The following THSD4 variants were observed in gnomAD, a reference collection of about 807,000 sequenced individuals.
THSD4 encodes thrombospondin type-1 domain-containing protein 4.
A neutral mutation model predicts 119.0 loss-of-function variants in THSD4; 69 were observed. The observed-to-expected ratio is 0.58, with a 90% CI of 0.48 to 0.71. The LOEUF is 0.71. Among genes scored for constraint, THSD4 ranks in the 30% least tolerant of loss-of-function variants. The pLI is 0.00. For synonymous variants in THSD4, 524 were observed against 540.4 expected, an observed-to-expected ratio of 0.97 and a Z score of 0.42; for missense variants, 1,393 against 1,391.1, an observed-to-expected ratio of 1.00 and a Z score of -0.02.
intron 7 of THSD4, among the ~76,000 whole-genome samples, chr15:71,601,002 C>T (rs187821528): frequency 1.3e-5 from 2 of 152,298 alleles, no homozygotes; most frequent in East Asian, 3.9e-4. Flanking sequence ...CCGTCTTGGC[C>T]TCCTGAAGTG....
chr15:71,270,178 T>TCA (rs1438673251), intron 6 of THSD4, among the ~76,000 whole-genome samples: 2 of 152,180 alleles, frequency 1.3e-5, no homozygotes, highest in Non-Finnish European at 2.9e-5. Context: ...GCTGGAGGCA[T>TCA]CACACTACCT....
chr15:71,655,958 A>G (rs1365519974), intron 7 of THSD4, among the ~76,000 whole-genome samples: 2 of 152,186 alleles, frequency 1.3e-5, no homozygotes, highest in Non-Finnish European at 2.9e-5. Flanking sequence ...GCATCACACA[A>G]CAAGCCAGGG....
intron 1 of THSD4, among the ~76,000 whole-genome samples, chr15:71,108,299 G>A (rs1050797850): frequency 3.9e-5 from 6 of 152,214 alleles, no homozygotes; most frequent in Non-Finnish European, 7.3e-5. Context: ...TCTGGAAAGC[G>A]GCATGAATAG....
At chr15:71,189,255 T>C (rs1409863763) in intron 3 of THSD4, among the ~76,000 whole-genome samples, 6 of 152,196 alleles carry the variant, frequency 3.9e-5, no homozygotes, top group African/African-American at 9.7e-5. Flanking sequence ...CAGGTCTCTA[T>C]GAATAGTTTG....
At chr15:71,286,100 G>T (rs1183164386) in intron 6 of THSD4, among the ~76,000 whole-genome samples, 1 of 152,000 alleles carries the variant, frequency 6.6e-6, no homozygotes, top group Non-Finnish European at 1.5e-5. Context: ...AGTTGGGTTT[G>T]GGGTCATGCT....
At chr15:71,114,078 A>G (rs1333895709), upstream of THSD4, among the ~76,000 whole-genome samples, 2 of 152,188 alleles carry the variant, frequency 1.3e-5, no homozygotes, top group East Asian at 3.9e-4. Context: ...TGTTTGATCA[A>G]GTGTGGAATT....
At position 71,148,800 on chromosome 15, in the gene THSD4, A is replaced by G. The variant is rs138367521; in HGVS notation, c.30-6063A>G. ...AGCACAGTGGTTAAGAGTCCAGGCCAAGGGTCTGACCGCCTGTGTTAGAAA... is the reference window on the plus strand; with the variant it reads ...AGCACAGTGGTTAAGAGTCCAGGCCGAGGGTCTGACCGCCTGTGTTAGAAA... On this transcript the variant is annotated intron_variant, in intron 2 of 17. Transcript: ENST00000261862. Among the ~76,000 whole-genome samples the G allele has an allele frequency of 7.4e-4, 112 of 152,330 alleles. 2 individuals carry two copies. Among genetic ancestry groups the G allele is most frequent in the East Asian group, 6.2e-3 (32 of 5,180 alleles).
At position 71,150,660 on chromosome 15, in the gene THSD4, C is replaced by G. The variant is rs938414165; in HGVS notation, c.30-4203C>G. Among the ~76,000 whole-genome samples, 4 of 152,308 alleles carry G rather than the reference C, an allele frequency of 2.6e-5. No individual in the cohort carries two copies. In the East Asian group the frequency reaches 7.7e-4, roughly 29 times the overall value. The stretch of plus-strand genomic sequence containing the variant: ...TGTAATTTGTGTTGCACTTTTGTAA[C>G]AAGAGGCACCAGCAAACATTTTGCT... On this transcript the variant is annotated intron_variant, in intron 2 of 17. Coordinates refer to ENST00000261862, the MANE Select transcript of THSD4 (RefSeq NM_024817.3).
chr15:71,378,154 A>G (rs767881122), intron 6 of THSD4, among the ~76,000 whole-genome samples: 4 of 152,114 alleles, frequency 2.6e-5, no homozygotes, highest in Non-Finnish European at 4.4e-5. Flanking sequence ...TATTATAACT[A>G]TTGATTCTAA....
intron 8 of THSD4, among the ~76,000 whole-genome samples, chr15:71,667,375 G>C (rs1339531562): frequency 6.6e-6 from 1 of 152,098 alleles, no homozygotes; most frequent in Non-Finnish European, 1.5e-5. Context: ...AGTCAGTTCA[G>C]TTTACTAATG....
intron 8 of THSD4, among the ~76,000 whole-genome samples, chr15:71,674,020 G>A (rs768353449): frequency 3.1e-4 from 47 of 152,200 alleles, no homozygotes; most frequent in Non-Finnish European, 5.9e-4. Flanking sequence ...CGGAGTAGTT[G>A]CCTCTTCCCA....
chr15:71,737,052 A>G (rs544072199), intron 10 of THSD4, among the ~76,000 whole-genome samples: 12 of 152,368 alleles, frequency 7.9e-5, no homozygotes, highest in African/African-American at 2.9e-4. Flanking sequence ...CAAAACTCAC[A>G]TAGTATTCCA....
At chr15:71,317,297 C>T (rs1469438762) in intron 6 of THSD4, among the ~76,000 whole-genome samples, 1 of 152,166 alleles carries the variant, frequency 6.6e-6, no homozygotes, top group Non-Finnish European at 1.5e-5. Context: ...TTAGTCCATT[C>T]TCACCCTGCT....
At chr15:71,584,072 C>T in intron 7 of THSD4, among the ~76,000 whole-genome samples, 1 of 151,858 alleles carries the variant, frequency 6.6e-6, no homozygotes, top group East Asian at 1.9e-4. Flanking sequence ...TTGGGTGCTC[C>T]AATGTTGGGT....
intron 6 of THSD4, among the ~76,000 whole-genome samples, chr15:71,289,762 A>G (rs1205218558): frequency 6.6e-6 from 1 of 152,150 alleles, no homozygotes; most frequent in Non-Finnish European, 1.5e-5. Flanking sequence ...CTCAACCCTC[A>G]TCTAGGGCTT....
intron 6 of THSD4, among the ~76,000 whole-genome samples, chr15:71,357,918 CT>C (rs1014804608): frequency 1.3e-4 from 20 of 152,202 alleles, no homozygotes; most frequent in African/African-American, 4.8e-4. Flanking sequence ...TCATGCTGGC[CT>C]TGTGCTGCGC....
At chr15:71,321,647 GA>G (rs1385010051) in intron 6 of THSD4, among the ~76,000 whole-genome samples, 2 of 152,112 alleles carry the variant, frequency 1.3e-5, no homozygotes, top group East Asian at 3.8e-4. Context: ...CATATTCTAA[GA>G]ATAGATTTAT....
chr15:71,693,513 A>G (rs2141055985), intron 8 of THSD4, among the ~76,000 whole-genome samples: 1 of 152,198 alleles, frequency 6.6e-6, no homozygotes, highest in South Asian at 2.1e-4. Flanking sequence ...CAGGTGTTGT[A>G]GTGCACACCG....
At chr15:71,189,778 T>A (rs1022816622) in intron 3 of THSD4, among the ~76,000 whole-genome samples, 1 of 152,056 alleles carries the variant, frequency 6.6e-6, no homozygotes, top group Non-Finnish European at 1.5e-5. Context: ...TCCGCTAGAG[T>A]AATAGTTCTT....
Sources: gnomAD v4.1 joint callset for allele counts (sites outside exome capture counted in the v4.1 genomes callset) on GRCh38, gnomAD v4.1.1 for gene constraint, MANE v1.5 for transcripts, NCBI Gene and HGNC (gene_info 2026-07-23, HGNC 2026-07-21) for gene names.